The following PRKG1 variants were observed in gnomAD, a reference collection of about 807,000 sequenced individuals.
PRKG1 encodes the protein cGMP-dependent protein kinase 1.
In PRKG1, 35 loss-of-function variants were observed where a neutral mutation model predicts 88.1. That is an observed-to-expected ratio of 0.40 (90% CI 0.30 to 0.53). The LOEUF is 0.53. Ranked by LOEUF, PRKG1 falls within the 20% of genes least tolerant of loss-of-function variation. The pLI, the probability that PRKG1 is intolerant of heterozygous loss-of-function variation, is 0.59. For missense variants in PRKG1, 540 were observed against 839.8 expected (o/e 0.64, Z 4.41); for synonymous variants, 303 against 292.5 (o/e 1.04, Z -0.37).
intron 11 of PRKG1, 123 bp downstream of exon 11, chr10:52,271,612 C>A: frequency 9.7e-7 from 1 of 1,030,480 alleles, no homozygotes; most frequent in Non-Finnish European, 1.3e-6. Context: ...TCTTTTTAAT[C>A]TAATCTTAAG....
intron 3 of PRKG1, among the ~76,000 whole-genome samples, chr10:51,610,091 C>G (rs1487070217): frequency 6.6e-6 from 1 of 152,080 alleles, no homozygotes; most frequent in Non-Finnish European, 1.5e-5. Flanking sequence ...TAAGTCAGGA[C>G]ATTTAGGGTA....
intron 1 of PRKG1, among the ~76,000 whole-genome samples, chr10:51,143,507 T>C (rs1845871304): frequency 5.3e-5 from 8 of 152,086 alleles, no homozygotes; most frequent in Admixed American, 5.2e-4. Context: ...AGTAGTGGGA[T>C]AACATGGTAG....
chr10:51,183,721 A>C (rs1837412117), intron 2 of PRKG1, among the ~76,000 whole-genome samples: 1 of 152,142 alleles, frequency 6.6e-6, no homozygotes, highest in Admixed American at 6.6e-5. Flanking sequence ...CTGTATATTA[A>C]TCTGAACATG....
intron 14 of PRKG1, among the ~76,000 whole-genome samples, chr10:52,288,464 G>A (rs1842169896): frequency 6.6e-6 from 1 of 152,084 alleles, no homozygotes; most frequent in Non-Finnish European, 1.5e-5. Context: ...AATGACCAAG[G>A]ACAGCATGAG....
At chr10:52,160,352 T>A (rs1254213201) in intron 8 of PRKG1, among the ~76,000 whole-genome samples, 4 of 152,054 alleles carry the variant, frequency 2.6e-5, no homozygotes. Context: ...CTAAAGACTG[T>A]TGCCTATTAT....
intron 3 of PRKG1, among the ~76,000 whole-genome samples, chr10:51,617,735 G>A (rs1415838161): frequency 6.6e-6 from 1 of 152,144 alleles, no homozygotes; most frequent in Non-Finnish European, 1.5e-5. Flanking sequence ...ATCGCCTAAT[G>A]ACACATTTCT....
chr10:51,099,946 C>G (rs1227506193), intron 1 of PRKG1, among the ~76,000 whole-genome samples: 1 of 152,040 alleles, frequency 6.6e-6, no homozygotes. Flanking sequence ...CTTAGGCTGG[C>G]GTGCAGTGGC....
At chr10:51,599,706 A>C (rs922225204) in intron 3 of PRKG1, among the ~76,000 whole-genome samples, 1 of 152,182 alleles carries the variant, frequency 6.6e-6, no homozygotes, top group Admixed American at 6.5e-5. Flanking sequence ...TTTTTATATT[A>C]GTCTTTTACC....
intron 3 of PRKG1, among the ~76,000 whole-genome samples, chr10:51,693,189 G>A (rs1841189177): frequency 1.3e-5 from 2 of 150,788 alleles, no homozygotes; most frequent in Non-Finnish European, 2.9e-5. Context: ...TTGAGAGGAT[G>A]AGGCAGGGAA....
chr10:51,743,276 G>A (rs2132494440), intron 3 of PRKG1, among the ~76,000 whole-genome samples: 1 of 152,262 alleles, frequency 6.6e-6, no homozygotes, highest in African/African-American at 2.4e-5. Context: ...AGAGTCCCCT[G>A]GGGATAGAAT....
At chr10:51,012,615 A>G (rs1355590113) in intron 1 of PRKG1, among the ~76,000 whole-genome samples, 1 of 152,248 alleles carries the variant, frequency 6.6e-6, no homozygotes, top group East Asian at 1.9e-4. Context: ...TCATTTATTC[A>G]TTCATTCAGC....
intron 2 of PRKG1, among the ~76,000 whole-genome samples, chr10:51,261,565 A>G (rs755094136): frequency 5.9e-5 from 9 of 152,174 alleles, no homozygotes; most frequent in Non-Finnish European, 1.0e-4. Flanking sequence ...AGTCTTGTCT[A>G]GGTTTATCCC....
intron 7 of PRKG1, among the ~76,000 whole-genome samples, chr10:52,124,761 T>C (rs1186639085): frequency 5.9e-5 from 9 of 152,170 alleles, no homozygotes; most frequent in Admixed American, 5.9e-4. Context: ...CTTCTTTACA[T>C]ATTCTATAAG....
chr10:51,397,850 T>A (rs1837622955), intron 2 of PRKG1, among the ~76,000 whole-genome samples: 1 of 152,236 alleles, frequency 6.6e-6, no homozygotes, highest in African/African-American at 2.4e-5. Flanking sequence ...CAGGGCTTGC[T>A]ATGAATCAGA....
chr10:51,995,573 C>T (rs77301809), intron 5 of PRKG1, among the ~76,000 whole-genome samples: 2,458 of 151,482 alleles, frequency 0.016, 68 homozygotes, highest in African/African-American at 0.055. Flanking sequence ...TGTGTGTATG[C>T]CTGTCTTTTC....
At chr10:51,997,887 T>C (rs566164521) in intron 5 of PRKG1, among the ~76,000 whole-genome samples, 3 of 152,252 alleles carry the variant, frequency 2.0e-5, no homozygotes, top group South Asian at 2.1e-4. Flanking sequence ...TAGTTTTTAT[T>C]CTCTCTTGTC....
chr10:51,653,782 G>C (rs990689931), intron 3 of PRKG1, among the ~76,000 whole-genome samples: 1 of 152,080 alleles, frequency 6.6e-6, no homozygotes, highest in African/African-American at 2.4e-5. Context: ...TGGCCAGGCT[G>C]GTCTGGAACT....
Position 51,260,096 on chromosome 10 carries a change from A to C in PRKG1, c.478+106766A>C, listed in dbSNP as rs1258970542. 2.0e-5 allele frequency among the ~76,000 whole-genome samples: 3 copies of C among 152,266 alleles called. No individual in the cohort carries two copies. In the East Asian group the frequency reaches 5.8e-4, roughly 29 times the overall value. ...CTTACCTAACATTTTAATTAGAGTG[A>C]GGTTGTGATCATGCTCTTACTGATT... On this transcript the variant is annotated intron_variant, in intron 2 of 17. Coordinates refer to ENST00000373980, the MANE Select transcript of PRKG1 (RefSeq NM_006258.4).
intron 2 of PRKG1, among the ~76,000 whole-genome samples, chr10:51,178,304 T>C (rs1309050539): frequency 6.6e-6 from 1 of 152,150 alleles, no homozygotes; most frequent in African/African-American, 2.4e-5. Flanking sequence ...ACAATGCAAT[T>C]GACTACAATT....
Sources: allele counts gnomAD v4.1 joint callset (sites outside exome capture counted in the v4.1 genomes callset), GRCh38; gene constraint gnomAD v4.1.1; transcripts MANE v1.5; gene names NCBI Gene and HGNC (gene_info 2026-07-23, HGNC 2026-07-21).